Variants in SKIC3 observed in about 807,000 individuals in gnomAD.
The protein encoded by SKIC3 is superkiller complex protein 3.
the SKIC3 span, among the ~76,000 whole-genome samples, chr5:95,465,564 A>G: frequency 6.6e-6 from 1 of 152,220 alleles, no homozygotes; most frequent in African/African-American, 2.4e-5. Flanking sequence ...TTAGCCTGCC[A>G]CAGTTCCATA....
chr5:95,484,941 C>G, the SKIC3 span: 2 of 1,297,446 alleles, frequency 1.5e-6, no homozygotes. Flanking sequence ...TTGGGCTTAT[C>G]ATCCATACAC....
At chr5:95,481,384 G>A in the SKIC3 span, among the ~76,000 whole-genome samples, 10 of 152,152 alleles carry the variant, frequency 6.6e-5, no homozygotes, top group South Asian at 1.7e-3. Context: ...TGTGAGACAC[G>A]CCTTCCTCCT....
At chr5:95,491,143 TA>T in the SKIC3 span, 180 of 1,453,548 alleles carry the variant, frequency 1.2e-4, no homozygotes, top group African/African-American at 2.4e-4. Context: ...AAATTGTATC[TA>T]AAAAAAAATT....
the SKIC3 span, chr5:95,516,458 G>A: frequency 6.2e-7 from 1 of 1,612,082 alleles, no homozygotes; most frequent in South Asian, 1.1e-5. Context: ...TTGTCTAGTT[G>A]AAAGTCTCAG....
At chr5:95,541,408 C>T in the SKIC3 span, 84 of 1,598,474 alleles carry the variant, frequency 5.3e-5, no homozygotes, top group Non-Finnish European at 6.5e-5. Context: ...CACACACACA[C>T]AAAAGGATTT....
chr5:95,547,066 A>G, the SKIC3 span: 2 of 1,612,810 alleles, frequency 1.2e-6, no homozygotes, highest in African/African-American at 1.3e-5. Flanking sequence ...GTTACCTTAC[A>G]GTGTTTCAAA....
At chr5:95,498,486 C>A in the SKIC3 span, 1 of 1,614,198 alleles carries the variant, frequency 6.2e-7, no homozygotes, top group South Asian at 1.1e-5. Context: ...TGATGTGCTT[C>A]AGTAACTCAT....
chr5:95,484,498 C>A, the SKIC3 span, among the ~76,000 whole-genome samples: 1 of 151,902 alleles, frequency 6.6e-6, no homozygotes, highest in Admixed American at 6.6e-5. Flanking sequence ...AGGCATGTGT[C>A]ACCAGGACCG....
At chr5:95,484,468 T>C in the SKIC3 span, among the ~76,000 whole-genome samples, 4 of 150,032 alleles carry the variant, frequency 2.7e-5, no homozygotes, top group East Asian at 8.0e-4. Flanking sequence ...TGCCTCAGCC[T>C]CTCGAGTAGC....
At chr5:95,524,512 C>T in the SKIC3 span, 2 of 1,613,754 alleles carry the variant, frequency 1.2e-6, no homozygotes, top group East Asian at 2.2e-5. Flanking sequence ...CTTGTCTCTT[C>T]ACCCATGAAC....
the SKIC3 span, chr5:95,497,366 A>G: frequency 5.0e-6 from 7 of 1,387,454 alleles, no homozygotes; most frequent in Non-Finnish European, 7.1e-6. Context: ...CATATTTACC[A>G]TATCACAAGT....
chr5:95,469,109 C>T, the SKIC3 span, among the ~76,000 whole-genome samples: 1 of 152,136 alleles, frequency 6.6e-6, no homozygotes, highest in Non-Finnish European at 1.5e-5. Context: ...GTTTGCTCCT[C>T]AATCACTGCT....
the SKIC3 span, among the ~76,000 whole-genome samples, chr5:95,476,192 C>T: frequency 6.6e-6 from 1 of 152,202 alleles, no homozygotes; most frequent in Non-Finnish European, 1.5e-5. Context: ...GGGGCTCCTC[C>T]CCAACTCAAG....
chr5:95,552,165 G>A, the SKIC3 span, among the ~76,000 whole-genome samples: 4 of 152,112 alleles, frequency 2.6e-5, no homozygotes, highest in Non-Finnish European at 5.9e-5. Context: ...GTTAAAATGG[G>A]TTTATCATGG....
chr5:95,496,286 G>A, the SKIC3 span, among the ~76,000 whole-genome samples: 1 of 152,154 alleles, frequency 6.6e-6, no homozygotes, highest in Non-Finnish European at 1.5e-5. Flanking sequence ...CCAAAGTGCT[G>A]GGATTATAGC....
the SKIC3 span, among the ~76,000 whole-genome samples, chr5:95,493,514 A>AAT: frequency 4.3e-3 from 653 of 152,150 alleles, 2 homozygotes; most frequent in African/African-American, 0.015. Flanking sequence ...AAAACCTACC[A>AAT]ATATATATAT....
At chr5:95,471,584 T>C in the SKIC3 span, among the ~76,000 whole-genome samples, 1 of 152,132 alleles carries the variant, frequency 6.6e-6, no homozygotes, top group Non-Finnish European at 1.5e-5. Flanking sequence ...AAGTAATATT[T>C]GCACATACTT....
chr5:95,492,111 C>T, the SKIC3 span, among the ~76,000 whole-genome samples: 1 of 152,104 alleles, frequency 6.6e-6, no homozygotes, highest in South Asian at 2.1e-4. Flanking sequence ...TAAATGCATA[C>T]CTCCATATTA....
chr5:95,510,881 CCTAT>C, the SKIC3 span, among the ~76,000 whole-genome samples: 2 of 152,104 alleles, frequency 1.3e-5, no homozygotes, highest in African/African-American at 4.8e-5. Context: ...TGGGTGATTA[CCTAT>C]CTATGAAGGT....
Sources: allele counts gnomAD v4.1 joint callset (sites outside exome capture counted in the v4.1 genomes callset), GRCh38; gene constraint gnomAD v4.1.1; transcripts MANE v1.5; gene names NCBI Gene and HGNC (gene_info 2026-07-23, HGNC 2026-07-21).